Variants in GPC3 observed in about 807,000 individuals in gnomAD.
The protein encoded by GPC3 is glypican-3.
GPC3 carries 3 observed loss-of-function variants against 34.4 expected under a neutral mutation model. The ratio of observed to expected loss-of-function variants is 0.09; its 90% CI spans 0.04 to 0.23. The LOEUF (loss-of-function observed/expected upper bound fraction) is 0.23, where lower values mean the gene tolerates loss of function less well. Among genes scored for constraint, GPC3 ranks in the 10% least tolerant of loss-of-function variants. The probability of loss-of-function intolerance (pLI) is 1.00; values close to 1 mark genes in which losing one functional copy is unlikely to be tolerated. For missense variants in GPC3, 351 were observed against 445.6 expected (o/e 0.79, Z 1.91); for synonymous variants, 177 against 174.0 (o/e 1.02, Z -0.13).
intron 2 of GPC3, among the ~76,000 whole-genome samples, chrX:133,930,626 C>T (rs1041624237): frequency 3.6e-5 from 4 of 112,298 alleles, no homozygotes; most frequent in African/African-American, 1.3e-4. Context: ...TGGAGTTTTA[C>T]AAATACAATT....
At chrX:133,625,567 T>C (rs943872198) in intron 6 of GPC3, among the ~76,000 whole-genome samples, 53 of 111,672 alleles carry the variant, frequency 4.7e-4, no homozygotes, top group Admixed American at 6.7e-4. Context: ...CCATTCACAA[T>C]TGCTACAAAG....
chrX:133,967,106 G>A (rs888406080), intron 1 of GPC3, among the ~76,000 whole-genome samples: 9 of 111,875 alleles, frequency 8.0e-5, no homozygotes, highest in East Asian at 2.8e-4. Flanking sequence ...AGCTGACACT[G>A]GAAGCTAGAG....
chrX:133,764,162 A>T (rs938623755), intron 2 of GPC3, among the ~76,000 whole-genome samples: 1 of 112,028 alleles, frequency 8.9e-6, no homozygotes, highest in Admixed American at 9.5e-5. Flanking sequence ...AAGCAAACTA[A>T]TGCAGGAACA....
intron 2 of GPC3, among the ~76,000 whole-genome samples, chrX:133,861,376 G>A (rs761487779): frequency 4.5e-5 from 5 of 110,528 alleles, no homozygotes; most frequent in African/African-American, 1.3e-4. Context: ...CTAGAATCTG[G>A]CCAGATTTTA....
intron 6 of GPC3, among the ~76,000 whole-genome samples, chrX:133,640,373 C>T (rs1192815149): frequency 1.8e-5 from 2 of 111,909 alleles, no homozygotes; most frequent in African/African-American, 6.5e-5. Flanking sequence ...AGGCTTTTCC[C>T]CCTCCCCTGC....
intron 1 of GPC3, among the ~76,000 whole-genome samples, chrX:133,965,670 G>C (rs2076460232): frequency 8.9e-6 from 1 of 111,867 alleles, no homozygotes; most frequent in African/African-American, 3.3e-5. Context: ...GAGGTAATTT[G>C]ATATGGCAGC....
chrX:133,562,746 G>A (rs1444733676), intron 7 of GPC3, among the ~76,000 whole-genome samples: 1 of 111,929 alleles, frequency 8.9e-6, no homozygotes, highest in African/African-American at 3.2e-5. Context: ...GGTCCATTCT[G>A]AGTAGATACT....
intron 1 of GPC3, among the ~76,000 whole-genome samples, chrX:133,972,129 C>T (rs754723822): frequency 1.8e-5 from 2 of 111,882 alleles, no homozygotes; most frequent in Admixed American, 9.5e-5. Context: ...TAAATTGACC[C>T]ACAGCACTGA....
chrX:133,701,478 T>C (rs1286716150), intron 3 of GPC3, among the ~76,000 whole-genome samples: 1 of 112,030 alleles, frequency 8.9e-6, no homozygotes, highest in Non-Finnish European at 1.9e-5. Context: ...GCTTACATTC[T>C]CCATTGTAGA....
At chrX:133,615,381 G>T (rs1312959360) in intron 6 of GPC3, among the ~76,000 whole-genome samples, 2 of 111,246 alleles carry the variant, frequency 1.8e-5, no homozygotes, top group East Asian at 5.6e-4. Context: ...ATTCAAGGTT[G>T]GTTGAGTATA....
intron 6 of GPC3, among the ~76,000 whole-genome samples, chrX:133,620,289 T>A (rs966499329): frequency 5.5e-5 from 6 of 110,025 alleles, no homozygotes; most frequent in African/African-American, 2.0e-4. Flanking sequence ...TGAAAAGATA[T>A]TTCCTTGGGA....
At chrX:133,596,337 T>C (rs2069914134) in intron 7 of GPC3, 103 bp downstream of exon 7, 12 of 716,819 alleles carry the variant, frequency 1.7e-5, no homozygotes, top group Non-Finnish European at 2.7e-5. Context: ...AGATTGTGTG[T>C]TGCAGGGAAT....
intron 3 of GPC3, among the ~76,000 whole-genome samples, chrX:133,726,418 T>C (rs2071408230): frequency 8.9e-6 from 1 of 111,969 alleles, no homozygotes; most frequent in Non-Finnish European, 1.9e-5. Context: ...GAAGTAGCAA[T>C]GACTACATGA....
intron 3 of GPC3, among the ~76,000 whole-genome samples, chrX:133,728,964 A>G (rs181190917): frequency 1.8e-5 from 2 of 111,861 alleles, no homozygotes; most frequent in African/African-American, 6.5e-5. Context: ...GTTTCTTTAG[A>G]AAAAGGACCA....
intron 2 of GPC3, among the ~76,000 whole-genome samples, chrX:133,804,995 A>G (rs2075628945): frequency 8.9e-6 from 1 of 111,917 alleles, no homozygotes; most frequent in Non-Finnish European, 1.9e-5. Flanking sequence ...TCCTGATTAA[A>G]GTATCACTGG....
intron 2 of GPC3, among the ~76,000 whole-genome samples, chrX:133,848,503 C>T (rs925661767): frequency 8.9e-6 from 1 of 112,126 alleles, no homozygotes; most frequent in African/African-American, 3.2e-5. Context: ...TTGAAGCATG[C>T]ATGCTGATAG....
intron 3 of GPC3, among the ~76,000 whole-genome samples, chrX:133,722,127 T>C (rs951541984): frequency 8.9e-6 from 1 of 111,769 alleles, no homozygotes; most frequent in Non-Finnish European, 1.9e-5. Context: ...TACAGTCTGA[T>C]GAGCCCCTTT....
intron 2 of GPC3, among the ~76,000 whole-genome samples, chrX:133,927,324 T>C: frequency 9.1e-6 from 1 of 109,829 alleles, no homozygotes. Flanking sequence ...ACCCCATTTA[T>C]GTAGGAAAAA....
intron 5 of GPC3, among the ~76,000 whole-genome samples, chrX:133,662,676 C>T (rs1356228042): frequency 8.9e-6 from 1 of 111,928 alleles, no homozygotes; most frequent in East Asian, 2.8e-4. Flanking sequence ...CCTCATTTTG[C>T]GAAACAAAGC....
Sources: allele counts gnomAD v4.1 joint callset (sites outside exome capture counted in the v4.1 genomes callset), GRCh38; gene constraint gnomAD v4.1.1; transcripts MANE v1.5; gene names NCBI Gene and HGNC (gene_info 2026-07-23, HGNC 2026-07-21).